The following CLMP variants were observed in gnomAD, a reference collection of about 807,000 sequenced individuals.
The protein encoded by CLMP is CXADR-like membrane protein.
A neutral mutation model predicts 45.2 loss-of-function variants in CLMP; 27 were observed. That is an observed-to-expected ratio of 0.60 (90% CI 0.44 to 0.82). The LOEUF (loss-of-function observed/expected upper bound fraction) is 0.82, where lower values mean the gene tolerates loss of function less well. Among genes scored for constraint, CLMP ranks in the 40% least tolerant of loss-of-function variants. The probability of loss-of-function intolerance (pLI) is 0.00; values close to 1 mark genes in which losing one functional copy is unlikely to be tolerated. For synonymous variants in CLMP, 167 were observed against 171.4 expected, an observed-to-expected ratio of 0.97 and a Z score of 0.20; for missense variants, 403 against 448.4, an observed-to-expected ratio of 0.90 and a Z score of 0.91.
chr11:123,185,228 G>A (rs1394238797), intron 1 of CLMP, among the ~76,000 whole-genome samples: 1 of 152,160 alleles, frequency 6.6e-6, no homozygotes, highest in Admixed American at 6.5e-5. Context: ...GCCTCGCAGA[G>A]GTTGTGCAGT....
At chr11:123,177,748 T>A (rs1697027773) in intron 1 of CLMP, among the ~76,000 whole-genome samples, 1 of 152,230 alleles carries the variant, frequency 6.6e-6, no homozygotes, top group Admixed American at 6.5e-5. Context: ...ATTGTGGTGA[T>A]GTTTCATGGG....
In CLMP at chr11:123,194,816, G is replaced by A. The variant is rs998197570; in HGVS notation, c.28+97C>T. 8 of 1,475,550 alleles carry A rather than the reference G, an allele frequency of 5.4e-6. No homozygotes were observed. The East Asian group carries it at 1.4e-4, about 26-fold the overall frequency. 91.4% of individuals were successfully genotyped at this position (1,475,550 alleles called of 1,614,324 possible). ...ACTGAAAAGCCGGCTGACTCCAGGG[G>A]CTGCAGGGACACCCGGTCAGAACCG... On this transcript the variant is annotated intron_variant, in intron 1 of 6. Transcript: ENST00000448775.
chr11:123,160,685 G>A (rs1368390980), intron 1 of CLMP, among the ~76,000 whole-genome samples: 1 of 152,044 alleles, frequency 6.6e-6, no homozygotes, highest in East Asian at 1.9e-4. Flanking sequence ...CTTCAAAGAA[G>A]TTGACAAGGG....
chr11:123,159,351 G>T (rs1464749505), intron 1 of CLMP, among the ~76,000 whole-genome samples: 1 of 152,198 alleles, frequency 6.6e-6, no homozygotes, highest in East Asian at 1.9e-4. Context: ...CCCGGCGATG[G>T]GGCAAGCCTG....
At chr11:123,092,058 T>C (rs1390482635) in intron 2 of CLMP, among the ~76,000 whole-genome samples, 1 of 152,136 alleles carries the variant, frequency 6.6e-6, no homozygotes, top group Non-Finnish European at 1.5e-5. Context: ...CTTTTCCTCT[T>C]CTATTTTTGC....
intron 1 of CLMP, among the ~76,000 whole-genome samples, chr11:123,153,118 T>C (rs1861363685): frequency 6.6e-6 from 1 of 152,164 alleles, no homozygotes; most frequent in Non-Finnish European, 1.5e-5. Context: ...TAATTGACAT[T>C]ACGGCATCTC....
At chr11:123,164,671 A>C (rs1861534400) in intron 1 of CLMP, among the ~76,000 whole-genome samples, 1 of 152,108 alleles carries the variant, frequency 6.6e-6, no homozygotes, top group African/African-American at 2.4e-5. Context: ...TAGCACTTTA[A>C]ACACCGTGAC....
intron 1 of CLMP, among the ~76,000 whole-genome samples, chr11:123,113,909 A>AACAC (rs143701414): frequency 6.6e-6 from 1 of 151,738 alleles, no homozygotes; most frequent in South Asian, 2.1e-4. Flanking sequence ...CACATGCAGA[A>AACAC]ACACACACAC....
At chr11:123,085,303 C>T (rs1174643980) in intron 2 of CLMP, among the ~76,000 whole-genome samples, 2 of 151,676 alleles carry the variant, frequency 1.3e-5, no homozygotes, top group African/African-American at 4.8e-5. Context: ...GGCTGAAGTG[C>T]AGTGGCACAA....
chr11:123,135,115 C>T (rs952774214), intron 1 of CLMP, among the ~76,000 whole-genome samples: 2 of 151,838 alleles, frequency 1.3e-5, no homozygotes, highest in Admixed American at 6.6e-5. Flanking sequence ...CAAAAATTAG[C>T]CAGACATGGT....
Position 123,073,268 on chromosome 11 carries a change from CT to C in CLMP, c.*205del. The C allele has an allele frequency of 1.8e-6, 1 of 557,372 alleles. No homozygotes were observed. The highest frequency in any genetic ancestry group is 3.0e-6 in the Non-Finnish European group (1 of 328,062). 34.5% of individuals were successfully genotyped at this position (557,372 alleles called of 1,614,324 possible). A position where few individuals can be genotyped will look rare whatever the true frequency, so the allele number is the denominator to read the frequency against. ...CTGGTCTAAAGGCACAATAAGATGC[CT>C]TTTTACAGATGAATCAGCTTACATC... On this transcript the variant is annotated 3_prime_UTR_variant, in exon 7 of 7. Coordinates refer to ENST00000448775, the MANE Select transcript of CLMP (RefSeq NM_024769.5).
At chr11:123,089,486 C>A (rs949442025) in intron 2 of CLMP, among the ~76,000 whole-genome samples, 6 of 151,130 alleles carry the variant, frequency 4.0e-5, no homozygotes, top group Non-Finnish European at 5.9e-5. Context: ...AACAAAATGA[C>A]CAGGTGCAGT....
Position 123,082,970 on chromosome 11 carries a change from G to A in CLMP, c.679+115C>T, listed in dbSNP as rs993532242. 21 of 1,254,018 alleles carry A rather than the reference G, an allele frequency of 1.7e-5. No homozygotes were observed. The African/African-American group carries it at 3.1e-4, about 19-fold the overall frequency. The allele number at this position is 1,254,018 out of a possible 1,614,324, so 77.7% of individuals were successfully genotyped here. ...TTTTGGTGATAGCCATATCCTTCTG[G>A]AGATAAAGATTTTGACCTTAACCTT... On this transcript the variant is annotated intron_variant, in intron 5 of 6. Coordinates refer to ENST00000448775, the MANE Select transcript of CLMP (RefSeq NM_024769.5).
chr11:123,174,484 A>G (rs1861674100), intron 1 of CLMP, among the ~76,000 whole-genome samples: 2 of 152,184 alleles, frequency 1.3e-5, no homozygotes, highest in South Asian at 4.1e-4. Flanking sequence ...CCCAAAATAT[A>G]ATATTTCATA....
chr11:123,080,261 T>C (rs1865789383), intron 5 of CLMP, among the ~76,000 whole-genome samples: 1 of 152,148 alleles, frequency 6.6e-6, no homozygotes, highest in African/African-American at 2.4e-5. Flanking sequence ...TTCTGCTGTA[T>C]TATACTCATC....
chr11:123,118,987 TTCTTTCTTTC>T (rs1565387863), intron 1 of CLMP, among the ~76,000 whole-genome samples: 1 of 35,238 alleles, frequency 2.8e-5, no homozygotes. Flanking sequence ...CTTTCTTTCT[TTCTTTCTTTC>T]TTTCTCTCTC....
intron 1 of CLMP, among the ~76,000 whole-genome samples, chr11:123,133,720 G>A (rs1332719658): frequency 3.9e-5 from 6 of 152,094 alleles, no homozygotes; most frequent in African/African-American, 7.2e-5. Flanking sequence ...CCCTCAAGAA[G>A]GTCATAAGCC....
chr11:123,126,497 A>G (rs1021738393), intron 1 of CLMP, among the ~76,000 whole-genome samples: 1 of 152,180 alleles, frequency 6.6e-6, no homozygotes, highest in African/African-American at 2.4e-5. Context: ...GGACTCAAGA[A>G]TGCTCCAGCC....
intron 1 of CLMP, among the ~76,000 whole-genome samples, chr11:123,187,651 A>G (rs185432178): frequency 9.8e-5 from 15 of 152,296 alleles, no homozygotes; most frequent in Non-Finnish European, 1.9e-4. Context: ...TTCTTAATTA[A>G]GAGATCCAAA....
Sources: allele counts gnomAD v4.1 joint callset (sites outside exome capture counted in the v4.1 genomes callset), GRCh38; gene constraint gnomAD v4.1.1; transcripts MANE v1.5; gene names NCBI Gene and HGNC (gene_info 2026-07-23, HGNC 2026-07-21).